Variants in ZGRF1 observed in about 807,000 individuals in gnomAD.
ZGRF1 encodes zinc finger GRF-type containing 1.
Under a neutral mutation model 203.5 loss-of-function variants are expected in ZGRF1, and 196 were observed. The observed-to-expected ratio is 0.96, with a 90% confidence interval of 0.86 to 1.08. ZGRF1 has a LOEUF of 1.08. Ranked by LOEUF, ZGRF1 falls within the 50% of genes least tolerant of loss-of-function variation. ZGRF1 has a pLI of 0.00. For synonymous variants in ZGRF1, 809 were observed against 841.3 expected (o/e 0.96, Z 0.66); for missense variants, 2,326 against 2,416.3 (o/e 0.96, Z 0.78).
intron 16 of ZGRF1, among the ~76,000 whole-genome samples, chr4:112,567,673 C>T (rs1743377728): frequency 6.6e-6 from 1 of 152,144 alleles, no homozygotes; most frequent in African/African-American, 2.4e-5. Context: ...CACCTATAAT[C>T]CCAACACTTT....
At chr4:112,551,775 A>T (rs1740001672) in intron 22 of ZGRF1, among the ~76,000 whole-genome samples, 1 of 151,986 alleles carries the variant, frequency 6.6e-6, no homozygotes, top group Non-Finnish European at 1.5e-5. Context: ...GTTATGTGTC[A>T]AGAAGCATTT....
At chr4:112,540,387 A>G (rs938148748) in intron 26 of ZGRF1, among the ~76,000 whole-genome samples, 1 of 129,758 alleles carries the variant, frequency 7.7e-6, no homozygotes, top group African/African-American at 2.7e-5. Flanking sequence ...TAAACTAATA[A>G]TGAAACAGAT....
Position 112,618,756 on chromosome 4 carries a change from G to A in ZGRF1, c.1286C>T (p.Ser429Leu), listed in dbSNP as rs147826438. Residue 429 changes from serine (S) to leucine (L), a missense_variant, in exon 6 of 28, where the codon TCA (serine) becomes TTA (leucine). Coordinates refer to ENST00000505019, the MANE Select transcript of ZGRF1 (RefSeq NM_018392.5). Reference protein sequence around the residue: ...CSSAENDGILSESDIQEDNKI... With the variant: ...CSSAENDGILLESDIQEDNKI... ...ATTATCTTCTTGAATGTCAGATTCT[G>A]ATAATATACCATCATTTTCTGCACT... is the stretch of plus-strand genomic sequence containing the variant. The A allele has an allele frequency of 2.5e-5, 40 of 1,610,564 alleles. No homozygotes were observed. The African/African-American group carries it at 5.2e-4, about 21-fold the overall frequency.
chr4:112,627,102 C>T (rs535640788), intron 3 of ZGRF1, among the ~76,000 whole-genome samples: 88 of 152,258 alleles, frequency 5.8e-4, no homozygotes, highest in African/African-American at 1.8e-3. Flanking sequence ...TGAGCCACCG[C>T]GCCCAGCCTC....
In ZGRF1 at chr4:112,608,551, C is replaced by A. The variant is rs186082898; in HGVS notation, c.2718+828G>T. Among the ~76,000 whole-genome samples the A allele has an allele frequency of 1.7e-3, 249 of 150,724 alleles. 4 individuals are homozygous for A. The highest frequency in any genetic ancestry group is 7.0e-4 in the Non-Finnish European group (47 of 67,606). The stretch of plus-strand genomic sequence containing the variant: ...AAGAGAATTGCTTGAACCCAGGAGG[C>A]GGAGGTTGCGGTGAGCCGAGATCAC... On this transcript the variant is annotated intron_variant, in intron 8 of 27. Transcript: ENST00000505019.
chr4:112,547,547 G>T, intron 23 of ZGRF1, 139 bp from the exon 24 acceptor site: 1 of 709,378 alleles, frequency 1.4e-6, no homozygotes, highest in Non-Finnish European at 2.2e-6. Flanking sequence ...GCTTAGTAGT[G>T]CTATTAAGCG....
At chr4:112,547,167 A>C in intron 24 of ZGRF1, 118 bp downstream of exon 24, 1 of 1,041,084 alleles carries the variant, frequency 9.6e-7, no homozygotes, top group Non-Finnish European at 1.3e-6. Flanking sequence ...GACAACTCCA[A>C]TTATACATTA....
chr4:112,584,695 T>C (rs1746867396), intron 14 of ZGRF1, among the ~76,000 whole-genome samples: 1 of 152,354 alleles, frequency 6.6e-6, no homozygotes, highest in South Asian at 2.1e-4. Context: ...GGCTATATTT[T>C]AGTCCACAGT....
At chr4:112,577,995 C>T (rs1745542788) in intron 16 of ZGRF1, among the ~76,000 whole-genome samples, 1 of 122,628 alleles carries the variant, frequency 8.2e-6, no homozygotes, top group African/African-American at 2.8e-5. Flanking sequence ...CAGCACCACA[C>T]CACACCTATT....
At chr4:112,553,327 C>G (rs1471593642) in intron 22 of ZGRF1, among the ~76,000 whole-genome samples, 1 of 152,196 alleles carries the variant, frequency 6.6e-6, no homozygotes. Context: ...AGCCTGGAAT[C>G]TTGTGTGCTT....
At chr4:112,552,418 G>T (rs1740140540) in intron 22 of ZGRF1, among the ~76,000 whole-genome samples, 1 of 152,098 alleles carries the variant, frequency 6.6e-6, no homozygotes, top group African/African-American at 2.4e-5. Flanking sequence ...ATGAGCAATA[G>T]ATCATAGTAA....
rs751138719 is a variant in ZGRF1 at position 112,603,653 on chromosome 4, A to G, written c.2847T>C (p.Ser949=). The part of the protein sequence containing the change: ...QGHQVKGSAT[S]GVMVRGHSSQ... ...AGCTGTGTCCTCTGACCATTACACCACTAGTAGCTGATCCTTTTACTTGAT... is the reference window on the plus strand; with the variant it reads ...AGCTGTGTCCTCTGACCATTACACCGCTAGTAGCTGATCCTTTTACTTGAT... The change falls in exon 10 of 28, where the codon AGT becomes AGC. Residue 949 remains serine (S), a synonymous_variant. Coordinates refer to ENST00000505019, the MANE Select transcript of ZGRF1 (RefSeq NM_018392.5). The G allele has an allele frequency of 1.2e-6, 2 of 1,614,048 alleles. No individual in the cohort carries two copies. The highest frequency in any genetic ancestry group is 4.5e-5 in the East Asian group (2 of 44,866).
intron 6 of ZGRF1, among the ~76,000 whole-genome samples, chr4:112,616,418 G>C (rs1186730531): frequency 6.6e-6 from 1 of 151,440 alleles, no homozygotes; most frequent in Non-Finnish European, 1.5e-5. Context: ...CCAGCTACTG[G>C]GGAGGCTGAG....
At chr4:112,571,362 A>C (rs1452714931) in intron 16 of ZGRF1, among the ~76,000 whole-genome samples, 1 of 152,228 alleles carries the variant, frequency 6.6e-6, no homozygotes, top group African/African-American at 2.4e-5. Flanking sequence ...TAACAAAATA[A>C]GACAAACCTC....
intron 8 of ZGRF1, 137 bp from the exon 9 acceptor site, chr4:112,606,228 C>T: frequency 1.6e-6 from 1 of 611,534 alleles, no homozygotes; most frequent in Non-Finnish European, 2.8e-6. Context: ...TTGCTTCTGT[C>T]TACACACACA....
intron 2 of ZGRF1, 54 bp downstream of exon 2, chr4:112,633,102 G>C: frequency 6.6e-7 from 1 of 1,522,328 alleles, no homozygotes; most frequent in Non-Finnish European, 9.1e-7. Flanking sequence ...GCCTTTAAAA[G>C]AAAGAGACAG....
Position 112,587,315 on chromosome 4 carries a change from AC to A in ZGRF1, c.3741del (p.Ser1248LeufsTer8). On this transcript the variant is annotated frameshift_variant, in exon 12 of 28. Coordinates refer to ENST00000505019, the MANE Select transcript of ZGRF1 (RefSeq NM_018392.5). LOFTEE classifies it high-confidence loss of function. ...KTEEIKNVLGGSTCYNYSVKD... is the reference protein window; with the variant it reads ...KTEEIKNVLGXSTCYNYSVKD... ...TTTACACTGTAGTTGTAGCAGGTAG[AC>A]CCTCCTAATACATTTTTAATTTCCT... 6.2e-7 allele frequency: 1 copy of A among 1,612,600 alleles called. No homozygotes were observed. The highest frequency in any genetic ancestry group is 8.5e-7 in the Non-Finnish European group (1 of 1,179,510).
chr4:112,597,632 A>C (rs1271878009), intron 10 of ZGRF1, among the ~76,000 whole-genome samples: 3 of 152,068 alleles, frequency 2.0e-5, no homozygotes, highest in South Asian at 4.2e-4. Flanking sequence ...TAATCCCAGC[A>C]CTTTTGGAGG....
intron 3 of ZGRF1, among the ~76,000 whole-genome samples, chr4:112,627,013 C>A (rs2149196886): frequency 6.6e-6 from 1 of 152,176 alleles, no homozygotes; most frequent in South Asian, 2.1e-4. Flanking sequence ...ACCACGTTAA[C>A]CAGGCTGGCC....
Sources: allele counts gnomAD v4.1 joint callset (sites outside exome capture counted in the v4.1 genomes callset), GRCh38; gene constraint gnomAD v4.1.1; transcripts MANE v1.5; gene names NCBI Gene and HGNC (gene_info 2026-07-23, HGNC 2026-07-21).